Variants in TRAM2 observed in about 807,000 individuals in gnomAD.
TRAM2 encodes translocating chain-associated membrane protein 2.
Under a neutral mutation model 51.0 loss-of-function variants are expected in TRAM2, and 12 were observed. The ratio of observed to expected loss-of-function variants is 0.24; its 90% confidence interval spans 0.15 to 0.38. The LOEUF is 0.38. TRAM2 is among the 10% of genes least tolerant of loss of function. The pLI, the probability that TRAM2 is intolerant of heterozygous loss-of-function variation, is 1.00. For synonymous variants in TRAM2, 175 were observed against 179.4 expected (o/e 0.98, Z 0.20); for missense variants, 361 against 462.0 (o/e 0.78, Z 2.00).
At chr6:52,543,227 TTC>T (rs750442033) in intron 1 of TRAM2, among the ~76,000 whole-genome samples, 15 of 152,206 alleles carry the variant, frequency 9.9e-5, no homozygotes, top group Non-Finnish European at 1.5e-4. Context: ...GATTATATAC[TTC>T]ACTCTCACTC....
chr6:52,504,655 C>A lies in TRAM2; in HGVS notation c.975G>T (p.Gln325His). 6.2e-7 allele frequency: 1 copy of A among 1,613,838 alleles called. No individual in the cohort carries two copies. Among genetic ancestry groups the A allele is most frequent in the South Asian group, 1.1e-5 (1 of 91,056 alleles). ...TGGCTGGGACTCTCCGCTTTGCACTCTGCTCATTCCAGTATTCCCGCCAGT... is the reference window on the plus strand; with the variant it reads ...TGGCTGGGACTCTCCGCTTTGCACTATGCTCATTCCAGTATTCCCGCCAGT... ...LRHWREYWNEQSAKRRVPATP... is the reference protein window; with the variant it reads ...LRHWREYWNEHSAKRRVPATP... The change falls in exon 10 of 11, where the codon CAG becomes CAT. Residue 325 changes from glutamine (Q) to histidine (H), a missense_variant. Physicochemically the swap from Gln to His is conservative, Grantham distance 24 (BLOSUM62 0). Coordinates refer to ENST00000182527, the MANE Select transcript of TRAM2 (RefSeq NM_012288.4).
chr6:52,513,744 GA>G (rs1405526913), intron 4 of TRAM2, among the ~76,000 whole-genome samples: 4 of 151,944 alleles, frequency 2.6e-5, no homozygotes, highest in Non-Finnish European at 5.9e-5. Context: ...GAATGGGGAG[GA>G]AAAAACGATT....
intron 1 of TRAM2, among the ~76,000 whole-genome samples, chr6:52,564,083 C>G (rs1359008637): frequency 6.6e-6 from 1 of 151,992 alleles, no homozygotes; most frequent in African/African-American, 2.4e-5. Context: ...AAAGGCAACT[C>G]ACACACACAC....
chr6:52,573,826 C>T (rs899305725), intron 1 of TRAM2, among the ~76,000 whole-genome samples: 1 of 152,094 alleles, frequency 6.6e-6, no homozygotes, highest in African/African-American at 2.4e-5. Flanking sequence ...AATGCAGACA[C>T]AAGGGCTGTG....
chr6:52,563,266 C>T (rs530633150), intron 1 of TRAM2, among the ~76,000 whole-genome samples: 1 of 152,098 alleles, frequency 6.6e-6, no homozygotes, highest in Non-Finnish European at 1.5e-5. Context: ...ATTCTGTTAA[C>T]TGAAAAGGCA....
intron 4 of TRAM2, among the ~76,000 whole-genome samples, chr6:52,514,014 A>G (rs945045656): frequency 1.3e-5 from 2 of 152,154 alleles, no homozygotes; most frequent in African/African-American, 4.8e-5. Flanking sequence ...ATTAAACGCC[A>G]TATCGTAGCA....
chr6:52,558,336 T>A (rs567948369), intron 1 of TRAM2, among the ~76,000 whole-genome samples: 1 of 152,126 alleles, frequency 6.6e-6, no homozygotes, highest in Non-Finnish European at 1.5e-5. Context: ...AAGGAGTACC[T>A]CACCACTCTG....
intron 1 of TRAM2, among the ~76,000 whole-genome samples, chr6:52,549,072 G>A (rs935209786): frequency 9.2e-5 from 14 of 152,198 alleles, no homozygotes; most frequent in Non-Finnish European, 1.6e-4. Context: ...AGAAGGCCTA[G>A]AGATACAATG....
intron 1 of TRAM2, among the ~76,000 whole-genome samples, chr6:52,539,996 C>T (rs998322230): frequency 2.8e-4 from 43 of 151,908 alleles, no homozygotes; most frequent in Admixed American, 2.0e-4. Context: ...ACAGGATCTA[C>T]GGCCATAATC....
intron 2 of TRAM2, among the ~76,000 whole-genome samples, chr6:52,533,107 G>A (rs79151539): frequency 0.095 from 14,437 of 151,330 alleles, 1,284 homozygotes; most frequent in East Asian, 0.49. Context: ...GGTGGGGAAA[G>A]GGGAGTTAGG....
chr6:52,559,561 T>C (rs1392028344), intron 1 of TRAM2, among the ~76,000 whole-genome samples: 5 of 152,188 alleles, frequency 3.3e-5, no homozygotes, highest in Non-Finnish European at 5.9e-5. Context: ...AGAATACAGG[T>C]AGAGTGCTTT....
intron 1 of TRAM2, among the ~76,000 whole-genome samples, chr6:52,540,064 G>C (rs1280592056): frequency 6.6e-6 from 1 of 151,560 alleles, no homozygotes; most frequent in African/African-American, 2.4e-5. Context: ...GGTAGTAGCA[G>C]CAGAAACCAT....
intron 1 of TRAM2, among the ~76,000 whole-genome samples, chr6:52,564,920 T>C (rs972865034): frequency 4.6e-5 from 7 of 151,932 alleles, no homozygotes; most frequent in African/African-American, 1.7e-4. Flanking sequence ...ATAGCAGTTA[T>C]AGGATGAAAT....
Position 52,499,816 on chromosome 6 carries a change from G to C in TRAM2, c.*3381C>G, listed in dbSNP as rs145669138. 1.3e-5 allele frequency: 2 copies of C among 152,134 alleles called. No homozygotes were observed. The highest frequency in any genetic ancestry group is 2.9e-5 in the Non-Finnish European group (2 of 68,094). The allele number at this position is 152,134 out of a possible 1,614,324, so 9.4% of individuals were successfully genotyped here. On this transcript the variant is annotated 3_prime_UTR_variant, in exon 11 of 11. Transcript: ENST00000182527. ...GACAAGTTTCTCAGCAACCATTTCG[G>C]TCTGGTGGCCCAGACACACATGGGA...
intron 1 of TRAM2, among the ~76,000 whole-genome samples, chr6:52,548,798 G>A (rs1180281668): frequency 6.6e-6 from 1 of 152,198 alleles, no homozygotes; most frequent in East Asian, 1.9e-4. Context: ...TCAGGACAGC[G>A]TTAGGCAAAG....
intron 1 of TRAM2, among the ~76,000 whole-genome samples, chr6:52,547,697 G>A (rs1291449011): frequency 1.3e-5 from 2 of 152,242 alleles, no homozygotes; most frequent in African/African-American, 4.8e-5. Context: ...TACAAGGGAT[G>A]ACTGTTCTGC....
At chr6:52,516,380 A>C (rs1766549903) in intron 3 of TRAM2, 1 of 592,912 alleles carries the variant, frequency 1.7e-6, no homozygotes, top group South Asian at 2.0e-5. Context: ...TGTGCCCCAG[A>C]CCCATAAGGA....
At chr6:52,546,178 G>A (rs1219200043) in intron 1 of TRAM2, among the ~76,000 whole-genome samples, 2 of 152,166 alleles carry the variant, frequency 1.3e-5, no homozygotes, top group Non-Finnish European at 2.9e-5. Context: ...TACAGGCTGA[G>A]GGAACTGCAT....
chr6:52,513,751 C>T (rs1367209747), intron 4 of TRAM2, among the ~76,000 whole-genome samples: 4 of 152,132 alleles, frequency 2.6e-5, no homozygotes, highest in Non-Finnish European at 5.9e-5. Context: ...GAGGAAAAAA[C>T]GATTTCACTG....
Sources: gnomAD v4.1 joint callset for allele counts (sites outside exome capture counted in the v4.1 genomes callset) on GRCh38, gnomAD v4.1.1 for gene constraint, MANE v1.5 for transcripts, NCBI Gene and HGNC (gene_info 2026-07-23, HGNC 2026-07-21) for gene names.